UBASH3B: variants seen among roughly 807,000 people sequenced by gnomAD.
The protein encoded by UBASH3B is ubiquitin associated and SH3 domain containing B, also known as ubiquitin-associated and SH3 domain-containing protein B.
Under a neutral mutation model 83.4 loss-of-function variants are expected in UBASH3B, and 37 were observed. The observed-to-expected ratio is 0.44, with a 90% CI of 0.34 to 0.58. The LOEUF (loss-of-function observed/expected upper bound fraction) is 0.58, where lower values mean the gene tolerates loss of function less well. Among genes scored for constraint, UBASH3B ranks in the 20% least tolerant of loss-of-function variants. The probability of loss-of-function intolerance (pLI) is 0.01; values close to 1 mark genes in which losing one functional copy is unlikely to be tolerated. For missense variants in UBASH3B, 657 were observed against 827.2 expected (o/e 0.79, Z 2.52); for synonymous variants, 304 against 318.3 (o/e 0.96, Z 0.48).
intron 1 of UBASH3B, among the ~76,000 whole-genome samples, chr11:122,673,681 G>T (rs1254129611): frequency 6.6e-6 from 1 of 152,020 alleles, no homozygotes; most frequent in Non-Finnish European, 1.5e-5. Context: ...CAGAAGGCCT[G>T]GCGCTCTTTC....
intron 1 of UBASH3B, among the ~76,000 whole-genome samples, chr11:122,741,699 C>T (rs1861028170): frequency 6.6e-6 from 1 of 152,150 alleles, no homozygotes; most frequent in African/African-American, 2.4e-5. Context: ...CTCTTCCCTC[C>T]CATAAGGCCC....
intron 9 of UBASH3B, 62 bp downstream of exon 9, chr11:122,797,095 A>T: frequency 6.6e-7 from 1 of 1,526,052 alleles, no homozygotes; most frequent in African/African-American, 1.4e-5. Context: ...AAACACTGGT[A>T]CCATGGATAT....
chr11:122,731,634 C>A, intron 1 of UBASH3B, among the ~76,000 whole-genome samples: 1 of 152,158 alleles, frequency 6.6e-6, no homozygotes, highest in African/African-American at 2.4e-5. Context: ...ATTCATGTCC[C>A]TAGTGGAATG....
rs1861007603 is a variant in UBASH3B at position 122,789,159 on chromosome 11, C to T, written c.831C>T (p.Pro277=). ...ATGACGATGAGCTGGAGCTGGTCCC[C>T]GGGGACTTCATCTTCATGTCTCCAA... ...PQNDDELELV[P]GDFIFMSPME... The change falls in exon 6 of 14, where the codon CCC becomes CCT. Residue 277 remains proline, a synonymous_variant. Coordinates refer to ENST00000284273, the MANE Select transcript of UBASH3B (RefSeq NM_032873.5). 14 of 1,614,114 alleles carry T rather than the reference C, an allele frequency of 8.7e-6. No homozygotes were observed. The highest frequency in any genetic ancestry group is 2.2e-5 in the South Asian group (2 of 91,064).
At chr11:122,709,017 C>T (rs1391419802) in intron 1 of UBASH3B, among the ~76,000 whole-genome samples, 1 of 152,168 alleles carries the variant, frequency 6.6e-6, no homozygotes, top group African/African-American at 2.4e-5. Flanking sequence ...GAGGCTGAGG[C>T]TGGCAGATGG....
chr11:122,797,379 TG>T (rs1401288962), intron 9 of UBASH3B: 1 of 179,634 alleles, frequency 5.6e-6, no homozygotes, highest in South Asian at 1.5e-4. Context: ...GTGAAGAAGA[TG>T]GACCCTGGAC....
intron 1 of UBASH3B, among the ~76,000 whole-genome samples, chr11:122,716,178 G>A (rs1453738740): frequency 6.6e-6 from 1 of 151,966 alleles, no homozygotes; most frequent in Non-Finnish European, 1.5e-5. Flanking sequence ...CTCAGCTGCA[G>A]AGGAGAGCTC....
intron 1 of UBASH3B, among the ~76,000 whole-genome samples, chr11:122,662,567 G>A (rs920981101): frequency 3.3e-5 from 5 of 151,930 alleles, no homozygotes; most frequent in Non-Finnish European, 7.4e-5. Flanking sequence ...AAGTAGCTGG[G>A]ATTACAGGCA....
At chr11:122,773,730 T>A (rs114032897) in intron 1 of UBASH3B, among the ~76,000 whole-genome samples, 2,193 of 152,304 alleles carry the variant, frequency 0.014, 59 homozygotes, top group African/African-American at 0.049. Flanking sequence ...TTTTTCAATT[T>A]TTTCTTTGAA....
At chr11:122,785,802 A>G (rs1591813182) in intron 5 of UBASH3B, among the ~76,000 whole-genome samples, 1 of 152,240 alleles carries the variant, frequency 6.6e-6, no homozygotes. Flanking sequence ...TGAAGACTAA[A>G]TAAAGAAGAT....
intron 1 of UBASH3B, among the ~76,000 whole-genome samples, chr11:122,718,516 C>T (rs1435306989): frequency 1.3e-5 from 2 of 152,018 alleles, no homozygotes; most frequent in Non-Finnish European, 2.9e-5. Context: ...GCTTCTTGAT[C>T]CATCAAATGG....
rs1861319798 is a variant in UBASH3B at position 122,758,556 on chromosome 11, C to G, written c.162-17663C>G. Among the ~76,000 whole-genome samples, 3 of 152,234 alleles carry G rather than the reference C, an allele frequency of 2.0e-5. No individual in the cohort carries two copies. The highest frequency in any genetic ancestry group is 2.9e-5 in the Non-Finnish European group (2 of 68,050). On this transcript the variant is annotated intron_variant, in intron 1 of 13. Coordinates refer to ENST00000284273, the MANE Select transcript of UBASH3B (RefSeq NM_032873.5). The surrounding 1 kb of genome is among the most constrained non-coding windows in gnomAD (Gnocchi z 4.2). Reference sequence around the variant, plus strand: ...CACCCAGTGGCCGTAGAACACCGACCCTGTGCCAAACTCAGAGCTAAGCAT... The same window carrying G: ...CACCCAGTGGCCGTAGAACACCGACGCTGTGCCAAACTCAGAGCTAAGCAT...
chr11:122,722,611 A>G (rs1860659441), intron 1 of UBASH3B, among the ~76,000 whole-genome samples: 1 of 152,192 alleles, frequency 6.6e-6, no homozygotes, highest in Non-Finnish European at 1.5e-5. Flanking sequence ...TCTTTTCTGA[A>G]TATCCATAGT....
intron 1 of UBASH3B, among the ~76,000 whole-genome samples, chr11:122,698,193 G>C (rs1252974352): frequency 1.3e-5 from 2 of 152,182 alleles, no homozygotes; most frequent in African/African-American, 4.8e-5. Flanking sequence ...TCTTCTCTTA[G>C]AGTTGGAATT....
chr11:122,723,755 G>A (rs1161381986), intron 1 of UBASH3B, among the ~76,000 whole-genome samples: 1 of 152,228 alleles, frequency 6.6e-6, no homozygotes, highest in African/African-American at 2.4e-5. Context: ...CTGTTTCCAT[G>A]TGCATTGTGT....
rs577084748 is a variant in UBASH3B, at chr11:122,786,135, C to A, written c.771+2913C>A. On this transcript the variant is annotated intron_variant, in intron 5 of 13. Transcript: ENST00000284273. Reference sequence around the variant, plus strand: ...TGCAATCTCGGCTCACTGCAACTTCCGCCTCCTGGGTTCACGCCGTTCTCC... The same window carrying A: ...TGCAATCTCGGCTCACTGCAACTTCAGCCTCCTGGGTTCACGCCGTTCTCC... Among the ~76,000 whole-genome samples the A allele has an allele frequency of 3.4e-3, 510 of 152,138 alleles. 2 individuals are homozygous for A. The highest frequency in any genetic ancestry group is 0.012 in the African/African-American group (481 of 41,536).
intron 3 of UBASH3B, among the ~76,000 whole-genome samples, chr11:122,777,990 A>C (rs1477328011): frequency 6.6e-6 from 1 of 152,050 alleles, no homozygotes; most frequent in African/African-American, 2.4e-5. Context: ...TCAGCCTCCC[A>C]AAGTGCTGGG....
chr11:122,738,130 A>G (rs1352007352), intron 1 of UBASH3B, among the ~76,000 whole-genome samples: 1 of 152,238 alleles, frequency 6.6e-6, no homozygotes, highest in Admixed American at 6.5e-5. Flanking sequence ...AATCCCATTG[A>G]ATAGAGTGTG....
chr11:122,683,849 C>T (rs1863777012), intron 1 of UBASH3B, among the ~76,000 whole-genome samples: 1 of 151,450 alleles, frequency 6.6e-6, no homozygotes, highest in South Asian at 2.1e-4. Context: ...CTTCCCTGCC[C>T]AGTCTTTTCT....
Sources: gnomAD v4.1 joint callset for allele counts (sites outside exome capture counted in the v4.1 genomes callset) on GRCh38, gnomAD v4.1.1 for gene constraint, Gnocchi (gnomAD v3.1) non-coding constraint, MANE v1.5 for transcripts, NCBI Gene and HGNC (gene_info 2026-07-23, HGNC 2026-07-21) for gene names.